Variants in RAB10 observed in about 807,000 individuals in gnomAD.
RAB10 encodes ras-related protein Rab-10.
RAB10 carries 5 observed loss-of-function variants against 25.7 expected under a neutral mutation model. That is an observed-to-expected ratio of 0.19 (90% CI 0.10 to 0.41). RAB10 has a LOEUF of 0.41. Among genes scored for constraint, RAB10 ranks in the 10% least tolerant of loss-of-function variants. The pLI, the probability that RAB10 is intolerant of heterozygous loss-of-function variation, is 1.00. For synonymous variants in RAB10, 89 were observed against 86.4 expected (o/e 1.03, Z -0.16); for missense variants, 103 against 245.8 (o/e 0.42, Z 3.89).
chr2:26,051,769 T>C (rs1275374467), intron 1 of RAB10, among the ~76,000 whole-genome samples: 2 of 116,024 alleles, frequency 1.7e-5, no homozygotes, highest in African/African-American at 6.7e-5. Context: ...AAAAAAAGAG[T>C]CATTAAGGCC....
At chr2:26,065,217 A>G (rs1010582719) in intron 1 of RAB10, among the ~76,000 whole-genome samples, 2 of 152,122 alleles carry the variant, frequency 1.3e-5, no homozygotes, top group African/African-American at 2.4e-5. Flanking sequence ...AGAAGAAAGA[A>G]AAAAAGAAAA....
chr2:26,047,102 G>T (rs890959271), intron 1 of RAB10, among the ~76,000 whole-genome samples: 4 of 152,056 alleles, frequency 2.6e-5, no homozygotes, highest in Admixed American at 6.6e-5. Context: ...TCATTTGTGT[G>T]TATATGAAAT....
chr2:26,123,323 G>C (rs1014389285), intron 3 of RAB10, among the ~76,000 whole-genome samples: 1 of 152,160 alleles, frequency 6.6e-6, no homozygotes, highest in African/African-American at 2.4e-5. Context: ...TCAGCATCTA[G>C]ATCAGGGGAT....
At chr2:26,052,043 C>T (rs531917163) in intron 1 of RAB10, among the ~76,000 whole-genome samples, 146 of 146,720 alleles carry the variant, frequency 1.0e-3, no homozygotes, top group African/African-American at 3.4e-3. Flanking sequence ...GGCAACAGAG[C>T]GAGACTCAGT....
chr2:26,083,977 G>A (rs939958306), intron 1 of RAB10, among the ~76,000 whole-genome samples: 3 of 152,178 alleles, frequency 2.0e-5, no homozygotes, highest in African/African-American at 7.2e-5. Context: ...ATCGCTGAGA[G>A]AACTAAAGAC....
At chr2:26,098,813 GTGAGA>G (rs1193535737) in intron 2 of RAB10, 91 bp downstream of exon 2, 1 of 1,135,008 alleles carries the variant, frequency 8.8e-7, no homozygotes, top group Non-Finnish European at 1.2e-6. Context: ...TTTAGATTCT[GTGAGA>G]CTTTTGTTTT....
At position 26,071,413 on chromosome 2, in the gene RAB10, C is replaced by T. The variant is rs138680729; in HGVS notation, c.128-27249C>T. 8.7e-3 allele frequency among the ~76,000 whole-genome samples: 1,326 copies of T among 152,276 alleles called. 25 individuals are homozygous for T. Among genetic ancestry groups the T allele is most frequent in the African/African-American group, 0.029 (1,221 of 41,562 alleles). On this transcript the variant is annotated intron_variant, in intron 1 of 5. Coordinates refer to ENST00000264710, the MANE Select transcript of RAB10 (RefSeq NM_016131.5). ...TTTTAAGATTGGAATTTTGGCCAGGCGCGGTGGCCCACTCCTGTAATCCCA... is the reference window on the plus strand; with the variant it reads ...TTTTAAGATTGGAATTTTGGCCAGGTGCGGTGGCCCACTCCTGTAATCCCA...
At chr2:26,115,920 C>T (rs1245600733) in intron 3 of RAB10, among the ~76,000 whole-genome samples, 2 of 147,294 alleles carry the variant, frequency 1.4e-5, no homozygotes, top group Non-Finnish European at 3.0e-5. Flanking sequence ...AGTGCAGTGG[C>T]GCCATCTTGG....
intron 1 of RAB10, among the ~76,000 whole-genome samples, chr2:26,050,481 CTGT>C (rs1467182959): frequency 6.6e-6 from 1 of 152,064 alleles, no homozygotes; most frequent in Non-Finnish European, 1.5e-5. Context: ...TTTTATAAAT[CTGT>C]TGTTCTGGGT....
chr2:26,033,313 G>A (rs1665671901), upstream of RAB10, among the ~76,000 whole-genome samples: 1 of 152,148 alleles, frequency 6.6e-6, no homozygotes, highest in South Asian at 2.1e-4. Context: ...CCTGAAGCAG[G>A]TTCTCTGAGC....
intron 1 of RAB10, among the ~76,000 whole-genome samples, chr2:26,064,887 A>T (rs527817668): frequency 1.3e-5 from 2 of 152,158 alleles, no homozygotes; most frequent in Admixed American, 1.3e-4. Context: ...GTCTCCACAC[A>T]TGTGCGCACA....
intron 3 of RAB10, among the ~76,000 whole-genome samples, chr2:26,120,735 C>T (rs975043406): frequency 6.6e-5 from 10 of 151,190 alleles, no homozygotes; most frequent in Non-Finnish European, 2.9e-5. Context: ...GACTACAGGG[C>T]GTCCATCAAC....
At chr2:26,116,476 G>A (rs1233773665) in intron 3 of RAB10, among the ~76,000 whole-genome samples, 2 of 151,448 alleles carry the variant, frequency 1.3e-5, no homozygotes, top group Non-Finnish European at 2.9e-5. Context: ...TTTTGATAAA[G>A]GAAGTAGGGT....
rs758384060 is a variant in RAB10, at chr2:26,134,957, A to G, written c.539A>G (p.Asn180Ser). 1.9e-6 allele frequency: 3 copies of G among 1,613,648 alleles called. No homozygotes were observed. Among genetic ancestry groups the G allele is most frequent in the African/African-American group, 2.7e-5 (2 of 74,930 alleles). ...TTGCAGACCCCTGTAAAAGAGCCCA[A>G]CAGTGAAAATGTAGATATCAGCAGT... ...ILRKTPVKEP[N>S]SENVDISSGG... is the part of the protein sequence containing the mutation. Residue 180 changes from asparagine to serine, a missense_variant, in exon 6 of 6, where the codon AAC becomes AGC. Asn to Ser is a conservative substitution (Grantham distance 46). Coordinates refer to ENST00000264710, the MANE Select transcript of RAB10 (RefSeq NM_016131.5).
chr2:26,085,325 C>T (rs994236102), intron 1 of RAB10, among the ~76,000 whole-genome samples: 16 of 151,352 alleles, frequency 1.1e-4, no homozygotes, highest in Admixed American at 9.2e-4. Context: ...CTCATCTCTA[C>T]TAAAAATAAA....
intron 3 of RAB10, among the ~76,000 whole-genome samples, chr2:26,114,779 C>T (rs1667647458): frequency 6.7e-6 from 1 of 148,906 alleles, no homozygotes; most frequent in Admixed American, 6.6e-5. Flanking sequence ...GTGGTATGCA[C>T]TTGTAGTTCC....
rs978822019 is a variant in RAB10 at position 26,034,111 on chromosome 2, A to C, written c.-498A>C. ...CTCAGGCAGCGCGCACGCCGGCGTGAGAGGGCACGGGGAAAAGGTGGCTCT... is the reference window on the plus strand; with the variant it reads ...CTCAGGCAGCGCGCACGCCGGCGTGCGAGGGCACGGGGAAAAGGTGGCTCT... On this transcript the variant is annotated 5_prime_UTR_variant, in exon 1 of 6. Coordinates refer to ENST00000264710, the MANE Select transcript of RAB10 (RefSeq NM_016131.5). The C allele has an allele frequency of 2.5e-6, 1 of 403,248 alleles. No individual in the cohort carries two copies. Among genetic ancestry groups the C allele is most frequent in the Non-Finnish European group, 4.4e-6 (1 of 228,318 alleles). The allele number at this position is 403,248 out of a possible 1,614,324, so 25.0% of individuals were successfully genotyped here.
chr2:26,061,747 G>T, intron 1 of RAB10, among the ~76,000 whole-genome samples: 2 of 150,962 alleles, frequency 1.3e-5, no homozygotes, highest in Non-Finnish European at 1.5e-5. Flanking sequence ...CTTCATATCT[G>T]CTCCCCACCC....
intron 1 of RAB10, among the ~76,000 whole-genome samples, chr2:26,041,757 A>G (rs1228210701): frequency 6.6e-6 from 1 of 151,776 alleles, no homozygotes; most frequent in Non-Finnish European, 1.5e-5. Flanking sequence ...ATACAAAATT[A>G]GCTGGGCGTG....
Sources: allele counts gnomAD v4.1 joint callset (sites outside exome capture counted in the v4.1 genomes callset), GRCh38; gene constraint gnomAD v4.1.1; transcripts MANE v1.5; gene names NCBI Gene and HGNC (gene_info 2026-07-23, HGNC 2026-07-21).